GPHN: variants seen among roughly 807,000 people sequenced by gnomAD.
GPHN encodes the protein gephyrin.
GPHN carries 17 observed loss-of-function variants against 95.5 expected under a neutral mutation model. That is an observed-to-expected ratio of 0.18 (90% confidence interval 0.12 to 0.27). The LOEUF (loss-of-function observed/expected upper bound fraction) is 0.27. Ranked by LOEUF, GPHN falls within the 10% of genes least tolerant of loss-of-function variation. The pLI, the probability that GPHN is intolerant of heterozygous loss-of-function variation, is 1.00. For synonymous variants in GPHN, 320 were observed against 322.5 expected, an observed-to-expected ratio of 0.99 and a Z score of 0.08; for missense variants, 660 against 978.1, an observed-to-expected ratio of 0.67 and a Z score of 4.34.
the GPHN span, chr14:67,317,321 G>A: frequency 1.7e-6 from 2 of 1,187,440 alleles, no homozygotes; most frequent in Non-Finnish European, 2.4e-6. Flanking sequence ...AAGAATAAAT[G>A]AATGAATAAA....
At chr14:66,811,300 C>T (rs371911429) in intron 3 of GPHN, among the ~76,000 whole-genome samples, 38 of 151,596 alleles carry the variant, frequency 2.5e-4, no homozygotes, top group East Asian at 1.2e-3. Context: ...AAAAATAAAA[C>T]GTAAAAAAAG....
chr14:67,292,716 A>G, the GPHN span: 7 of 1,612,684 alleles, frequency 4.3e-6, no homozygotes, highest in East Asian at 1.3e-4. Context: ...ATCTTGCTCA[A>G]GAGGTATGTA....
At chr14:67,193,118 C>A in the GPHN span, among the ~76,000 whole-genome samples, 57 of 138,278 alleles carry the variant, frequency 4.1e-4, no homozygotes, top group African/African-American at 1.4e-3. Flanking sequence ...ATAGATATCT[C>A]TCTATATATC....
chr14:66,772,019 G>A (rs939582002), intron 2 of GPHN, among the ~76,000 whole-genome samples: 4 of 151,516 alleles, frequency 2.6e-5, no homozygotes, highest in Admixed American at 6.6e-5. Context: ...CAACTACTGA[G>A]AATTGACTAT....
chr14:66,641,951 T>G (rs964927506), intron 1 of GPHN, among the ~76,000 whole-genome samples: 3 of 151,948 alleles, frequency 2.0e-5, no homozygotes, highest in Admixed American at 1.3e-4. Context: ...TCTTAAGGAG[T>G]AACAAAATAA....
chr14:67,230,360 G>C, the GPHN span, among the ~76,000 whole-genome samples: 3 of 152,092 alleles, frequency 2.0e-5, no homozygotes, highest in Non-Finnish European at 4.4e-5. Flanking sequence ...CAGGAGGATT[G>C]CTTGGGCCCA....
intron 2 of GPHN, among the ~76,000 whole-genome samples, chr14:66,773,929 G>A (rs2059278488): frequency 6.7e-6 from 1 of 148,916 alleles, no homozygotes; most frequent in East Asian, 2.0e-4. Context: ...TTGGGCCCTA[G>A]ATAATCTTTA....
At chr14:67,412,131 G>T in the GPHN span, 1 of 1,332,594 alleles carries the variant, frequency 7.5e-7, no homozygotes, top group Non-Finnish European at 9.8e-7. Flanking sequence ...CACCCGCGCA[G>T]CCCGCGCAGT....
At chr14:67,519,411 G>A in the GPHN span, among the ~76,000 whole-genome samples, 10 of 152,366 alleles carry the variant, frequency 6.6e-5, no homozygotes, top group East Asian at 1.9e-3. Context: ...CCTCGGGGCT[G>A]TCCTGCCAGA....
chr14:67,133,233 C>A (rs2079838391), intron 17 of GPHN, among the ~76,000 whole-genome samples: 1 of 152,066 alleles, frequency 6.6e-6, no homozygotes, highest in Admixed American at 6.6e-5. Flanking sequence ...TGATTAACTG[C>A]CAACATTCTT....
chr14:67,347,521 G>C, the GPHN span: 1 of 1,235,084 alleles, frequency 8.1e-7, no homozygotes, highest in Non-Finnish European at 1.1e-6. Flanking sequence ...TTTTTTCTGA[G>C]ACGGAGTTTT....
the GPHN span, chr14:67,589,167 A>C: frequency 5.8e-6 from 1 of 173,566 alleles, no homozygotes; most frequent in Non-Finnish European, 1.1e-5. Context: ...GTAGGAGTCC[A>C]AAGGAAGAGT....
chr14:66,695,152 C>G (rs1040516272), intron 2 of GPHN, among the ~76,000 whole-genome samples: 1 of 151,994 alleles, frequency 6.6e-6, no homozygotes, highest in African/African-American at 2.4e-5. Flanking sequence ...CAGAGCAAGA[C>G]TCTGTCTTAA....
At chr14:67,581,047 C>T in the GPHN span, 9 of 1,574,304 alleles carry the variant, frequency 5.7e-6, no homozygotes, top group Non-Finnish European at 7.9e-6. Context: ...AGGTCCTAAG[C>T]ACTGCACGAG....
At chr14:66,628,909 T>TA (rs2063623493) in intron 1 of GPHN, among the ~76,000 whole-genome samples, 1 of 150,180 alleles carries the variant, frequency 6.7e-6, no homozygotes, top group Admixed American at 6.7e-5. Flanking sequence ...AAAAATAATT[T>TA]AAAAAATGAG....
chr14:66,657,863 A>G (rs938622042), intron 1 of GPHN, among the ~76,000 whole-genome samples: 3 of 152,190 alleles, frequency 2.0e-5, no homozygotes, highest in African/African-American at 7.2e-5. Flanking sequence ...CTAACACAAC[A>G]TCCATTCTGC....
chr14:66,903,973 G>A (rs2065244765), intron 5 of GPHN, among the ~76,000 whole-genome samples: 1 of 152,054 alleles, frequency 6.6e-6, no homozygotes, highest in Admixed American at 6.6e-5. Flanking sequence ...ATTTAGACTC[G>A]TATTGTCTCA....
the GPHN span, among the ~76,000 whole-genome samples, chr14:67,272,546 C>T: frequency 1.3e-5 from 2 of 152,202 alleles, no homozygotes; most frequent in Non-Finnish European, 2.9e-5. Flanking sequence ...ACTACTACCA[C>T]TATTCCTACT....
intron 4 of GPHN, among the ~76,000 whole-genome samples, chr14:66,846,215 T>C (rs1460393511): frequency 1.3e-5 from 2 of 152,188 alleles, no homozygotes; most frequent in Non-Finnish European, 2.9e-5. Flanking sequence ...CCATCTAAAC[T>C]ATCAAACACA....
Sources: gnomAD v4.1 joint callset for allele counts (sites outside exome capture counted in the v4.1 genomes callset) on GRCh38, gnomAD v4.1.1 for gene constraint, MANE v1.5 for transcripts, NCBI Gene and HGNC (gene_info 2026-07-23, HGNC 2026-07-21) for gene names.